Variants in VIPR1 observed in about 807,000 individuals in gnomAD.
VIPR1 encodes vasoactive intestinal peptide receptor 1.
A neutral mutation model predicts 58.8 loss-of-function variants in VIPR1; 59 were observed. That is an observed-to-expected ratio of 1.00 (90% confidence interval 0.81 to 1.25). VIPR1 has a LOEUF of 1.25. VIPR1 is among the 50% of genes most tolerant of loss of function. VIPR1 has a pLI of 0.00. For missense variants in VIPR1, 626 were observed against 602.7 expected (o/e 1.04, Z -0.40); for synonymous variants, 251 against 242.1 (o/e 1.04, Z -0.34).
At chr3:42,514,510 C>T (rs1446022476) in intron 2 of VIPR1, among the ~76,000 whole-genome samples, 3 of 151,758 alleles carry the variant, frequency 2.0e-5, no homozygotes, top group African/African-American at 2.4e-5. Flanking sequence ...CAGGCTCTGC[C>T]TCTGCTACAT....
In VIPR1 at chr3:42,537,345, A is replaced by G. The variant is rs1294787569; in HGVS notation, c.*1064A>G. On this transcript the variant is annotated 3_prime_UTR_variant, in exon 13 of 13. Transcript: ENST00000325123. Reference sequence around the variant, plus strand: ...TCTTGGTTATTTGTTTACCACTTGTATTATTAATGCCATTATCCCTGAATC... The same window carrying G: ...TCTTGGTTATTTGTTTACCACTTGTGTTATTAATGCCATTATCCCTGAATC... 6 of 152,228 alleles carry G rather than the reference A, an allele frequency of 3.9e-5. No individual in the cohort carries two copies. The highest frequency in any genetic ancestry group is 1.2e-4 in the African/African-American group (5 of 41,458). The allele number at this position is 152,228 out of a possible 1,614,324, so 9.4% of individuals were successfully genotyped here.
upstream of VIPR1, among the ~76,000 whole-genome samples, chr3:42,499,030 GC>G (rs1699818476): frequency 6.6e-6 from 1 of 152,202 alleles, no homozygotes; most frequent in African/African-American, 2.4e-5. Flanking sequence ...AGAGCTACCA[GC>G]CCCGCTCTAT....
intron 1 of VIPR1, among the ~76,000 whole-genome samples, chr3:42,489,900 C>A (rs1699635974): frequency 6.6e-6 from 1 of 152,180 alleles, no homozygotes; most frequent in Non-Finnish European, 1.5e-5. Flanking sequence ...TCTCTCCACT[C>A]TCCCACCATA....
chr3:42,519,671 T>C (rs1025748809), intron 3 of VIPR1, among the ~76,000 whole-genome samples: 5 of 152,218 alleles, frequency 3.3e-5, no homozygotes, highest in Non-Finnish European at 2.9e-5. Context: ...CTATGACCTC[T>C]TGGGCTCCAT....
intron 4 of VIPR1, 25 bp from the exon 5 acceptor site, chr3:42,527,368 G>C: frequency 6.3e-7 from 1 of 1,581,158 alleles, no homozygotes; most frequent in African/African-American, 1.4e-5. Flanking sequence ...CACCACCCAA[G>C]AGCCTCTCCC....
At chr3:42,534,741 T>C in intron 10 of VIPR1, 1 of 440,068 alleles carries the variant, frequency 2.3e-6, no homozygotes, top group Non-Finnish European at 4.0e-6. Flanking sequence ...GGGGTTTCTT[T>C]CTCTCTCATG....
At chr3:42,496,800 T>G (rs1231998307) in intron 1 of VIPR1, among the ~76,000 whole-genome samples, 1 of 152,246 alleles carries the variant, frequency 6.6e-6, no homozygotes, top group Non-Finnish European at 1.5e-5. Context: ...ATATATTTTA[T>G]TTTTAATCCT....
chr3:42,499,782 T>C (rs1699832934), upstream of VIPR1, among the ~76,000 whole-genome samples: 1 of 152,048 alleles, frequency 6.6e-6, no homozygotes, highest in African/African-American at 2.4e-5. Context: ...CTGACATCCC[T>C]CTTCCTCCAA....
chr3:42,494,084 C>T (rs1699714850), intron 1 of VIPR1, among the ~76,000 whole-genome samples: 2 of 152,244 alleles, frequency 1.3e-5, no homozygotes, highest in African/African-American at 2.4e-5. Context: ...CAAACCTTCC[C>T]CAGTGGGGCA....
chr3:42,522,568 C>T (rs999257632), intron 3 of VIPR1, among the ~76,000 whole-genome samples: 2 of 152,130 alleles, frequency 1.3e-5, no homozygotes, highest in Non-Finnish European at 2.9e-5. Context: ...AATAAGAAAA[C>T]CTTGCTGCCA....
chr3:42,532,520 A>G, intron 10 of VIPR1, 187 bp downstream of exon 10: 1 of 652,272 alleles, frequency 1.5e-6, no homozygotes, highest in Non-Finnish European at 2.7e-6. Context: ...CACCCTCACC[A>G]GGCTGCACTC....
chr3:42,497,092 G>C (rs546411946), intron 1 of VIPR1, among the ~76,000 whole-genome samples: 2 of 152,290 alleles, frequency 1.3e-5, no homozygotes, highest in Admixed American at 1.3e-4. Flanking sequence ...CCGAAGGTCA[G>C]CTACACACAG....
At position 42,520,492 on chromosome 3, in the gene VIPR1, G is replaced by A. The variant is rs1332129933; in HGVS notation, c.292+1162G>A. On this transcript the variant is annotated intron_variant, in intron 3 of 12. Transcript: ENST00000325123. ...GGCTTGAATTCAGGTAGTGAGCTCAGTGCGGGAGAGAAGTGGGAGAGTTGT... is the reference window on the plus strand; with the variant it reads ...GGCTTGAATTCAGGTAGTGAGCTCAATGCGGGAGAGAAGTGGGAGAGTTGT... Among the ~76,000 whole-genome samples, 6 of 152,258 alleles carry A rather than the reference G, an allele frequency of 3.9e-5. No homozygotes were observed. In the East Asian group the frequency reaches 9.7e-4, roughly 25 times the overall value.
chr3:42,505,227 T>TC (rs35197960), intron 1 of VIPR1, among the ~76,000 whole-genome samples: 13,970 of 152,224 alleles, frequency 0.092, 1,709 homozygotes, highest in African/African-American at 0.28. Context: ...CAGGGGAGGC[T>TC]CCTGGAAGAA....
At chr3:42,493,559 C>T (rs1699705227) in intron 1 of VIPR1, among the ~76,000 whole-genome samples, 1 of 152,140 alleles carries the variant, frequency 6.6e-6, no homozygotes, top group African/African-American at 2.4e-5. Context: ...CTGGGCTTCC[C>T]CAACCTAACT....
intron 1 of VIPR1, among the ~76,000 whole-genome samples, chr3:42,497,340 G>T (rs1317506944): frequency 1.1e-4 from 17 of 152,070 alleles, no homozygotes; most frequent in Admixed American, 1.1e-3. Flanking sequence ...CCCTGCACAC[G>T]CTGGCCAAGC....
chr3:42,520,908 C>T (rs974962679), intron 3 of VIPR1, among the ~76,000 whole-genome samples: 2 of 152,072 alleles, frequency 1.3e-5, no homozygotes, highest in African/African-American at 4.8e-5. Context: ...ATGCCATATT[C>T]CAGGCCAGTG....
intron 1 of VIPR1, among the ~76,000 whole-genome samples, chr3:42,491,459 G>T (rs1009197235): frequency 6.6e-6 from 1 of 152,208 alleles, no homozygotes; most frequent in African/African-American, 2.4e-5. Context: ...AATGATCATG[G>T]TTGAGGTAGA....
chr3:42,526,268 G>A (rs1701228750), intron 4 of VIPR1, among the ~76,000 whole-genome samples: 1 of 152,188 alleles, frequency 6.6e-6, no homozygotes, highest in South Asian at 2.1e-4. Flanking sequence ...CTGCCTCATG[G>A]GAACCTCACT....
Sources: allele counts gnomAD v4.1 joint callset (sites outside exome capture counted in the v4.1 genomes callset), GRCh38; gene constraint gnomAD v4.1.1; transcripts MANE v1.5; gene names NCBI Gene and HGNC (gene_info 2026-07-23, HGNC 2026-07-21).